The following RPH3A variants were observed in gnomAD, a reference collection of about 807,000 sequenced individuals.
RPH3A encodes rabphilin-3A.
RPH3A carries 48 observed loss-of-function variants against 102.2 expected under a neutral mutation model. The ratio of observed to expected loss-of-function variants is 0.47; its 90% CI spans 0.37 to 0.60. RPH3A has a LOEUF of 0.60. RPH3A is among the 20% of genes least tolerant of loss of function. RPH3A has a pLI of 0.00. For missense variants in RPH3A, 781 were observed against 910.1 expected (o/e 0.86, Z 1.83); for synonymous variants, 310 against 324.3 (o/e 0.96, Z 0.47).
intron 1 of RPH3A, among the ~76,000 whole-genome samples, chr12:112,748,187 T>C (rs1189534624): frequency 1.3e-5 from 2 of 152,194 alleles, no homozygotes; most frequent in Non-Finnish European, 2.9e-5. Context: ...AGAGAACATG[T>C]CTGTGCAGTC....
chr12:112,841,683 G>A (rs1201168879), intron 4 of RPH3A, among the ~76,000 whole-genome samples: 1 of 149,962 alleles, frequency 6.7e-6, no homozygotes, highest in African/African-American at 2.5e-5. Flanking sequence ...TGAATCTAAA[G>A]CTTGAGTTTT....
chr12:112,831,187 AC>A (rs2041964603), intron 3 of RPH3A, among the ~76,000 whole-genome samples: 1 of 68,516 alleles, frequency 1.5e-5, no homozygotes, highest in African/African-American at 8.6e-5. Flanking sequence ...ACATAGTTTA[AC>A]TTTTCTACTC....
chr12:112,581,506 C>T (rs1333314820), intron 1 of RPH3A, among the ~76,000 whole-genome samples: 2 of 152,102 alleles, frequency 1.3e-5, no homozygotes, highest in South Asian at 2.1e-4. Context: ...ATTATTCTGC[C>T]TTTATGGAAA....
intron 5 of RPH3A, among the ~76,000 whole-genome samples, chr12:112,851,579 C>G (rs1295151986): frequency 6.6e-6 from 1 of 152,164 alleles, no homozygotes; most frequent in Non-Finnish European, 1.5e-5. Flanking sequence ...GCATTGCCTC[C>G]CTGGGGCAGT....
At chr12:112,846,798 A>C (rs1454563152) in intron 4 of RPH3A, among the ~76,000 whole-genome samples, 1 of 152,210 alleles carries the variant, frequency 6.6e-6, no homozygotes, top group Non-Finnish European at 1.5e-5. Context: ...GTCATAGACC[A>C]CAGCCTTAAC....
chr12:112,655,563 C>CTTTTTTTTTTTTTTTT (rs71086113), intron 1 of RPH3A, among the ~76,000 whole-genome samples: 1 of 55,584 alleles, frequency 1.8e-5, no homozygotes, highest in Non-Finnish European at 3.3e-5. Context: ...TTTTGTTGGT[C>CTTTTTTTTTTTTTTTT]TTTTTTTTTT....
rs190345668 is a variant in RPH3A, at chr12:112,817,577, C to T, written c.-18-10724C>T. Among the ~76,000 whole-genome samples the T allele has an allele frequency of 3.3e-3, 505 of 152,094 alleles. 2 individuals carry two copies. The highest frequency in any genetic ancestry group is 0.012 in the African/African-American group (480 of 41,470). ...GTGTGTGTGTGCACCCCCCACCCCC[C>T]GCACACGCAGCCTTTTTAGAGGAGG... On this transcript the variant is annotated intron_variant, in intron 2 of 21. Coordinates refer to ENST00000389385, the MANE Select transcript of RPH3A (RefSeq NM_001143854.2).
At chr12:112,781,218 C>CAA (rs967338621) in intron 1 of RPH3A, among the ~76,000 whole-genome samples, 2 of 150,264 alleles carry the variant, frequency 1.3e-5, no homozygotes, top group African/African-American at 4.9e-5. Flanking sequence ...AACAACAAAA[C>CAA]AAAAAAAAAT....
At chr12:112,582,903 C>T (rs189795268) in intron 1 of RPH3A, among the ~76,000 whole-genome samples, 1 of 152,158 alleles carries the variant, frequency 6.6e-6, no homozygotes, top group South Asian at 2.1e-4. Flanking sequence ...ATGAATATTT[C>T]TCCATCTTTT....
At position 112,814,782 on chromosome 12, in the gene RPH3A, G is replaced by T. The variant is rs78787501; in HGVS notation, c.-18-13519G>T. Among the ~76,000 whole-genome samples, 7 of 152,278 alleles carry T rather than the reference G, an allele frequency of 4.6e-5. No homozygotes were observed. In the East Asian group the frequency reaches 1.3e-3, roughly 29 times the overall value. ...GTGAAGATCAAATGAGGTTGTATAT[G>T]AAAATTGCCCACCTGAAGACTGGTG... On this transcript the variant is annotated intron_variant, in intron 2 of 21. Transcript: ENST00000389385.
chr12:112,729,824 C>T (rs1051715501), intron 1 of RPH3A, among the ~76,000 whole-genome samples: 2 of 152,144 alleles, frequency 1.3e-5, no homozygotes, highest in Admixed American at 6.5e-5. Flanking sequence ...TTGAATTATT[C>T]CCCCAACCCT....
chr12:112,587,573 G>A (rs190883846), intron 1 of RPH3A, among the ~76,000 whole-genome samples: 2 of 152,178 alleles, frequency 1.3e-5, no homozygotes, highest in African/African-American at 4.8e-5. Context: ...TGTTTGTCTT[G>A]TGTGGTTGGC....
intron 1 of RPH3A, among the ~76,000 whole-genome samples, chr12:112,753,738 T>C (rs945534530): frequency 6.6e-6 from 1 of 152,182 alleles, no homozygotes; most frequent in African/African-American, 2.4e-5. Context: ...GTTAGAAAGA[T>C]GTAAGTTTGA....
intron 1 of RPH3A, among the ~76,000 whole-genome samples, chr12:112,729,148 T>A (rs1303689983): frequency 6.6e-6 from 1 of 152,124 alleles, no homozygotes; most frequent in African/African-American, 2.4e-5. Context: ...GGAACTTTTT[T>A]TTTTTTTTGA....
At chr12:112,631,481 C>A (rs1367462563) in intron 1 of RPH3A, among the ~76,000 whole-genome samples, 1 of 152,066 alleles carries the variant, frequency 6.6e-6, no homozygotes, top group Non-Finnish European at 1.5e-5. Context: ...TTCAAACCCA[C>A]TTTTAACAAA....
chr12:112,712,904 C>CTCTTTT (rs2040475269), intron 1 of RPH3A, among the ~76,000 whole-genome samples: 2 of 92,542 alleles, frequency 2.2e-5, no homozygotes, highest in African/African-American at 1.1e-4. Context: ...CTTCTTCTTC[C>CTCTTTT]TCTTCTTCTT....
rs560571654 is a variant in RPH3A at position 112,630,560 on chromosome 12, G to A, written c.-140+55241G>A. On this transcript the variant is annotated intron_variant, in intron 1 of 21. Coordinates refer to the RPH3A transcript ENST00000543106. ...TACTGGCTGCCCTAGGGGTAGGTTA[G>A]GGCAGAGCCTCCTGGGGAAAGTGGG... Among the ~76,000 whole-genome samples, 12 of 152,318 alleles carry A rather than the reference G, an allele frequency of 7.9e-5. No individual in the cohort carries two copies. The South Asian group carries it at 2.5e-3, about 32-fold the overall frequency.
chr12:112,686,355 T>C (rs1331706251), intron 1 of RPH3A, among the ~76,000 whole-genome samples: 1 of 152,178 alleles, frequency 6.6e-6, no homozygotes, highest in Non-Finnish European at 1.5e-5. Flanking sequence ...TTGCAATGCC[T>C]TATACCCCAA....
intron 1 of RPH3A, among the ~76,000 whole-genome samples, chr12:112,648,054 A>G (rs944551343): frequency 6.6e-6 from 1 of 152,206 alleles, no homozygotes; most frequent in African/African-American, 2.4e-5. Flanking sequence ...GTTGAAAGGA[A>G]TATGTCTATA....
Sources: allele counts gnomAD v4.1 joint callset (sites outside exome capture counted in the v4.1 genomes callset), GRCh38; gene constraint gnomAD v4.1.1; transcripts MANE v1.5; gene names NCBI Gene and HGNC (gene_info 2026-07-23, HGNC 2026-07-21).